Variants in LARGE1 observed in about 807,000 individuals in gnomAD.
The protein encoded by LARGE1 is LARGE xylosyl- and glucuronyltransferase 1, also known as xylosyl- and glucuronyltransferase LARGE1.
LARGE1 carries 43 observed loss-of-function variants against 87.6 expected under a neutral mutation model. The observed-to-expected ratio is 0.49, with a 90% CI of 0.38 to 0.63. The LOEUF (loss-of-function observed/expected upper bound fraction) is 0.63. LARGE1 is among the 30% of genes least tolerant of loss of function. LARGE1 has a pLI of 0.00. For synonymous variants in LARGE1, 434 were observed against 394.6 expected, an observed-to-expected ratio of 1.10 and a Z score of -1.18; for missense variants, 802 against 1,000.2, an observed-to-expected ratio of 0.80 and a Z score of 2.67.
At chr22:33,223,165 C>T (rs1457393944) in intron 11 of LARGE1, among the ~76,000 whole-genome samples, 3 of 152,206 alleles carry the variant, frequency 2.0e-5, no homozygotes, top group African/African-American at 4.8e-5. Flanking sequence ...AGTTTCATCT[C>T]TATCTGCCTG....
At chr22:33,412,683 T>G (rs952853708) in intron 7 of LARGE1, among the ~76,000 whole-genome samples, 2 of 152,256 alleles carry the variant, frequency 1.3e-5, no homozygotes, top group Admixed American at 1.3e-4. Flanking sequence ...ATTTTTGAGA[T>G]GGAGTCTTGC....
intron 12 of LARGE1, among the ~76,000 whole-genome samples, chr22:33,300,118 C>A (rs1933942001): frequency 6.6e-6 from 1 of 152,166 alleles, no homozygotes. Flanking sequence ...AGTCGGCCTG[C>A]TCTGGTACCC....
chr22:33,284,014 G>A (rs1010441811), intron 12 of LARGE1, among the ~76,000 whole-genome samples: 2 of 152,226 alleles, frequency 1.3e-5, no homozygotes, highest in Non-Finnish European at 2.9e-5. Flanking sequence ...GGAACCCAGA[G>A]TGGAATGGGA....
chr22:33,418,040 C>T (rs1007305614), intron 7 of LARGE1, among the ~76,000 whole-genome samples: 14 of 152,158 alleles, frequency 9.2e-5, no homozygotes, highest in Non-Finnish European at 1.2e-4. Context: ...CTCCACCTCC[C>T]GGGTTCAAGC....
intron 6 of LARGE1, among the ~76,000 whole-genome samples, chr22:33,486,681 T>C (rs1293651808): frequency 6.6e-6 from 1 of 152,178 alleles, no homozygotes; most frequent in East Asian, 1.9e-4. Context: ...CTTATTTAAA[T>C]ACCGCTTTGG....
chr22:33,877,905 G>C (rs1009299644), intron 1 of LARGE1, among the ~76,000 whole-genome samples: 1 of 151,716 alleles, frequency 6.6e-6, no homozygotes, highest in African/African-American at 2.4e-5. Flanking sequence ...CTGAGCAACA[G>C]AGCGAGACTC....
At chr22:33,741,865 C>T (rs2083895779) in intron 2 of LARGE1, among the ~76,000 whole-genome samples, 1 of 152,166 alleles carries the variant, frequency 6.6e-6, no homozygotes, top group Admixed American at 6.5e-5. Flanking sequence ...GGGTTCCATG[C>T]CCACCCTCCA....
chr22:33,307,152 A>T (rs1275231370), intron 11 of LARGE1, among the ~76,000 whole-genome samples: 1 of 152,198 alleles, frequency 6.6e-6, no homozygotes, highest in Non-Finnish European at 1.5e-5. Context: ...TCATGATCTC[A>T]TCCATCTCCC....
intron 6 of LARGE1, among the ~76,000 whole-genome samples, chr22:33,461,217 G>A (rs2068368256): frequency 6.6e-6 from 1 of 152,194 alleles, no homozygotes; most frequent in South Asian, 2.1e-4. Flanking sequence ...CAGCCCAGGA[G>A]TTGGAGGTTA....
At chr22:33,400,625 G>A (rs1488081934) in intron 7 of LARGE1, among the ~76,000 whole-genome samples, 4 of 152,186 alleles carry the variant, frequency 2.6e-5, no homozygotes, top group Non-Finnish European at 4.4e-5. Flanking sequence ...GTGGATGGCC[G>A]AGCAGCTCTG....
At chr22:33,068,325 G>C in the LARGE1 span, among the ~76,000 whole-genome samples, 1 of 152,214 alleles carries the variant, frequency 6.6e-6, no homozygotes, top group East Asian at 1.9e-4. Context: ...TGCTATACTA[G>C]TAGGACGGGC....
the LARGE1 span, among the ~76,000 whole-genome samples, chr22:33,098,628 T>A: frequency 3.3e-5 from 5 of 152,018 alleles, no homozygotes; most frequent in South Asian, 2.1e-4. Context: ...CTCAAAAAAA[T>A]AAATAAATAA....
At chr22:33,184,263 G>C (rs1367493822) in intron 11 of LARGE1, among the ~76,000 whole-genome samples, 1 of 151,134 alleles carries the variant, frequency 6.6e-6, no homozygotes, top group African/African-American at 2.4e-5. Flanking sequence ...TAAATAACCG[G>C]ATTACAATGA....
chr22:33,652,069 G>A (rs191658846), intron 2 of LARGE1, among the ~76,000 whole-genome samples: 38 of 152,250 alleles, frequency 2.5e-4, no homozygotes, highest in South Asian at 4.1e-4. Flanking sequence ...CCAGCTACTC[G>A]TGAGGTTGAG....
At chr22:33,699,054 T>G (rs764662464) in intron 2 of LARGE1, among the ~76,000 whole-genome samples, 2 of 152,236 alleles carry the variant, frequency 1.3e-5, no homozygotes, top group African/African-American at 4.8e-5. Flanking sequence ...CTCTGTAGGC[T>G]GACCTCCCAA....
intron 3 of LARGE1, among the ~76,000 whole-genome samples, chr22:33,631,818 C>T (rs771563225): frequency 2.0e-5 from 3 of 152,260 alleles, no homozygotes; most frequent in South Asian, 2.1e-4. Context: ...CAAATGGCAG[C>T]GCAGTCGGTT....
At chr22:33,251,794 T>G (rs539577508) in intron 11 of LARGE1, among the ~76,000 whole-genome samples, 2 of 152,338 alleles carry the variant, frequency 1.3e-5, no homozygotes, top group East Asian at 3.9e-4. Flanking sequence ...CTCTCACTGT[T>G]TGGGGAACAA....
intron 2 of LARGE1, among the ~76,000 whole-genome samples, chr22:33,697,548 C>CAAA (rs1569381748): frequency 9.8e-4 from 1 of 1,022 alleles, no homozygotes; most frequent in Non-Finnish European, 1.8e-3. Context: ...AGACTCTGTC[C>CAAA]CAAAAAAAAA....
the LARGE1 span, among the ~76,000 whole-genome samples, chr22:33,108,204 C>T: frequency 6.6e-5 from 10 of 152,224 alleles, no homozygotes; most frequent in Non-Finnish European, 8.8e-5. Flanking sequence ...GTGTACTCAT[C>T]CTAATTGTGA....
Sources: allele counts gnomAD v4.1 joint callset (sites outside exome capture counted in the v4.1 genomes callset), GRCh38; gene constraint gnomAD v4.1.1; transcripts MANE v1.5; gene names NCBI Gene and HGNC (gene_info 2026-07-23, HGNC 2026-07-21).